The following CLMP variants were observed in gnomAD, a reference collection of about 807,000 sequenced individuals.
CLMP encodes CXADR-like membrane protein.
CLMP carries 27 observed loss-of-function variants against 45.2 expected under a neutral mutation model. The ratio of observed to expected loss-of-function variants is 0.60; its 90% CI spans 0.44 to 0.82. The LOEUF (loss-of-function observed/expected upper bound fraction) is 0.82, where lower values mean the gene tolerates loss of function less well. Ranked by LOEUF, CLMP falls within the 40% of genes least tolerant of loss-of-function variation. The pLI is 0.00. For synonymous variants in CLMP, 167 were observed against 171.4 expected (o/e 0.97, Z 0.20); for missense variants, 403 against 448.4 (o/e 0.90, Z 0.91).
At chr11:123,118,991 TTCTTTCTTTCTCTCTCTCTCTC>T (rs1860766767) in intron 1 of CLMP, among the ~76,000 whole-genome samples, 1 of 25,998 alleles carries the variant, frequency 3.8e-5, no homozygotes, top group Non-Finnish European at 7.2e-5. Context: ...CTTTCTTTCT[TTCTTTCTTTCTCTCTCTCTCTC>T]TCTCTCTCTC....
chr11:123,083,549 T>TA, intron 4 of CLMP, 131 bp downstream of exon 4: 1 of 890,712 alleles, frequency 1.1e-6, no homozygotes, highest in Non-Finnish European at 1.8e-6. Context: ...TAATGGATTT[T>TA]AAAAATGGCA....
In CLMP at chr11:123,070,839, C is replaced by T. The variant is rs1263340627; in HGVS notation, c.*2635G>A. On this transcript the variant is annotated 3_prime_UTR_variant, in exon 7 of 7. Transcript: ENST00000448775. Reference sequence around the variant, plus strand: ...TACGCCAGTTCTCTTAAACCCATAGCAGACATTTATATGTTAATTCCTCAA... The same window carrying T: ...TACGCCAGTTCTCTTAAACCCATAGTAGACATTTATATGTTAATTCCTCAA... The T allele has an allele frequency of 6.6e-6, 1 of 152,192 alleles. No homozygotes were observed. 9.4% of individuals were successfully genotyped at this position (152,192 alleles called of 1,614,324 possible).
At chr11:123,142,416 A>G (rs1015403465) in intron 1 of CLMP, among the ~76,000 whole-genome samples, 3 of 152,146 alleles carry the variant, frequency 2.0e-5, no homozygotes, top group Non-Finnish European at 4.4e-5. Context: ...GTTGAAATGC[A>G]AGTTGTTGAA....
chr11:123,150,311 C>T (rs1376167705), intron 1 of CLMP, among the ~76,000 whole-genome samples: 1 of 150,532 alleles, frequency 6.6e-6, no homozygotes, highest in Non-Finnish European at 1.5e-5. Flanking sequence ...ATTGTAGTTA[C>T]TGGGAGTTCC....
At chr11:123,092,850 G>A (rs7952655) in intron 2 of CLMP, among the ~76,000 whole-genome samples, 15,426 of 149,942 alleles carry the variant, frequency 0.1, 1,152 homozygotes, top group African/African-American at 0.2. Flanking sequence ...TGCCCACCTC[G>A]GCCTCCCAAA....
At position 123,175,267 on chromosome 11, in the gene CLMP, C is replaced by T. The variant is rs182890460; in HGVS notation, c.28+19646G>A. ...GGAGGCCTCAGGAAACTAATAATCA[C>T]GGTGGAAGGGGAAGCAGACACCTTC... is the stretch of plus-strand genomic sequence containing the variant. On this transcript the variant is annotated intron_variant, in intron 1 of 6. Transcript: ENST00000448775. Among the ~76,000 whole-genome samples the T allele has an allele frequency of 2.2e-3, 332 of 150,206 alleles. 1 individual carries two copies. Among genetic ancestry groups the T allele is most frequent in the Non-Finnish European group, 3.2e-3 (216 of 68,008 alleles).
At chr11:123,152,778 A>G (rs1861357059) in intron 1 of CLMP, among the ~76,000 whole-genome samples, 1 of 152,070 alleles carries the variant, frequency 6.6e-6, no homozygotes, top group Admixed American at 6.6e-5. Context: ...TTTTAGCTCA[A>G]TATAGGTAAT....
intron 1 of CLMP, among the ~76,000 whole-genome samples, chr11:123,141,292 C>T (rs1311866743): frequency 6.8e-6 from 1 of 146,724 alleles, no homozygotes; most frequent in Admixed American, 7.1e-5. Context: ...TCACACCATT[C>T]TCCTGCCTCA....
At chr11:123,190,655 T>A (rs994851337) in intron 1 of CLMP, among the ~76,000 whole-genome samples, 1 of 152,202 alleles carries the variant, frequency 6.6e-6, no homozygotes, top group African/African-American at 2.4e-5. Context: ...CAGACATACA[T>A]GACACTGCAG....
At chr11:123,189,072 A>G (rs2135552919) in intron 1 of CLMP, 1 of 152,386 alleles carries the variant, frequency 6.6e-6, no homozygotes, top group East Asian at 1.9e-4. Context: ...TAGAAGGAAC[A>G]CTAGTAATCC....
chr11:123,077,966 G>A (rs1865759189), intron 5 of CLMP, among the ~76,000 whole-genome samples: 1 of 152,086 alleles, frequency 6.6e-6, no homozygotes, highest in African/African-American at 2.4e-5. Flanking sequence ...AATCAGCTGG[G>A]TGTGGTGTGC....
chr11:123,168,027 G>T (rs928895412), intron 1 of CLMP, among the ~76,000 whole-genome samples: 1 of 152,230 alleles, frequency 6.6e-6, no homozygotes, highest in Non-Finnish European at 1.5e-5. Context: ...CTGAAAGCTT[G>T]TTCTTAAACT....
chr11:123,182,871 A>G (rs1861788031), intron 1 of CLMP, among the ~76,000 whole-genome samples: 1 of 152,164 alleles, frequency 6.6e-6, no homozygotes, highest in African/African-American at 2.4e-5. Context: ...CTTTCATTCC[A>G]TTTGGACTGA....
At chr11:123,086,335 G>C (rs1403441860) in intron 2 of CLMP, among the ~76,000 whole-genome samples, 1 of 152,210 alleles carries the variant, frequency 6.6e-6, no homozygotes, top group Non-Finnish European at 1.5e-5. Context: ...ACAAGTTGGT[G>C]GCATTTGAGC....
chr11:123,109,097 A>T (rs571146290), intron 1 of CLMP, among the ~76,000 whole-genome samples: 8 of 151,930 alleles, frequency 5.3e-5, no homozygotes, highest in African/African-American at 1.9e-4. Flanking sequence ...AAGAAAAAAA[A>T]TGGTTGAGTT....
intron 5 of CLMP, among the ~76,000 whole-genome samples, chr11:123,079,245 CA>C (rs1865774407): frequency 6.6e-6 from 1 of 152,064 alleles, no homozygotes; most frequent in Non-Finnish European, 1.5e-5. Flanking sequence ...ATATGTTAGT[CA>C]AAAATGTAAA....
intron 1 of CLMP, among the ~76,000 whole-genome samples, chr11:123,123,052 C>T (rs76859075): frequency 0.017 from 2,537 of 151,892 alleles, 81 homozygotes; most frequent in African/African-American, 0.058. Flanking sequence ...TACCAGACAC[C>T]GAGGCCTTCT....
intron 1 of CLMP, among the ~76,000 whole-genome samples, chr11:123,150,484 G>GAAA (rs1565397469): frequency 6.3e-4 from 21 of 33,090 alleles, no homozygotes; most frequent in Non-Finnish European, 1.2e-3. Context: ...AGAAAGAAAG[G>GAAA]AAGGAAGGAA....
chr11:123,189,781 A>C (rs1861882014), intron 1 of CLMP, among the ~76,000 whole-genome samples: 1 of 152,132 alleles, frequency 6.6e-6, no homozygotes. Flanking sequence ...GCCGATGATC[A>C]CTTGGGGTCA....
Sources: gnomAD v4.1 joint callset for allele counts (sites outside exome capture counted in the v4.1 genomes callset) on GRCh38, gnomAD v4.1.1 for gene constraint, MANE v1.5 for transcripts, NCBI Gene and HGNC (gene_info 2026-07-23, HGNC 2026-07-21) for gene names.